GRIK2: variants seen among roughly 807,000 people sequenced by gnomAD.
GRIK2 encodes the protein glutamate ionotropic receptor kainate type subunit 2, also known as glutamate receptor ionotropic, kainate 2.
Under a neutral mutation model 100.3 loss-of-function variants are expected in GRIK2, and 32 were observed. The observed-to-expected ratio is 0.32, with a 90% confidence interval of 0.24 to 0.43. The LOEUF (loss-of-function observed/expected upper bound fraction) is 0.43. Ranked by LOEUF, GRIK2 falls within the 20% of genes least tolerant of loss-of-function variation. The pLI is 1.00. For synonymous variants in GRIK2, 417 were observed against 389.4 expected, an observed-to-expected ratio of 1.07 and a Z score of -0.83; for missense variants, 843 against 1,114.9, an observed-to-expected ratio of 0.76 and a Z score of 3.47.
At chr6:101,584,139 A>G (rs544632819) in intron 2 of GRIK2, among the ~76,000 whole-genome samples, 1 of 152,162 alleles carries the variant, frequency 6.6e-6, no homozygotes, top group African/African-American at 2.4e-5. Context: ...TTTGAAATGA[A>G]TTTGTATTTA....
At chr6:101,997,363 T>A (rs1029223605) in intron 14 of GRIK2, among the ~76,000 whole-genome samples, 2 of 152,234 alleles carry the variant, frequency 1.3e-5, no homozygotes, top group East Asian at 3.9e-4. Flanking sequence ...GTGTATGTCC[T>A]TTATCATGGT....
At chr6:101,796,131 A>C (rs568056108) in intron 7 of GRIK2, among the ~76,000 whole-genome samples, 1 of 152,222 alleles carries the variant, frequency 6.6e-6, no homozygotes, top group Non-Finnish European at 1.5e-5. Context: ...TATATGGATT[A>C]AATCCAGCTC....
intron 8 of GRIK2, 61 bp from the exon 9 acceptor site, chr6:101,802,270 A>C: frequency 1.6e-6 from 1 of 610,534 alleles, no homozygotes. Context: ...TACTTTTGTG[A>C]AAAAATGTTT....
chr6:101,821,636 AT>A (rs1781952635), intron 10 of GRIK2, among the ~76,000 whole-genome samples: 1 of 152,086 alleles, frequency 6.6e-6, no homozygotes. Flanking sequence ...AAGGCACTTT[AT>A]TTTTATACCT....
intron 2 of GRIK2, among the ~76,000 whole-genome samples, chr6:101,403,060 T>A (rs1775412133): frequency 6.6e-6 from 1 of 152,186 alleles, no homozygotes; most frequent in South Asian, 2.1e-4. Context: ...AGAAGCCAGC[T>A]CCGGCTGTGT....
At chr6:101,621,202 C>T (rs1161556056) in intron 2 of GRIK2, among the ~76,000 whole-genome samples, 2 of 152,110 alleles carry the variant, frequency 1.3e-5, no homozygotes, top group African/African-American at 4.8e-5. Flanking sequence ...CTGTAAATCC[C>T]AACAATTTGG....
intron 10 of GRIK2, among the ~76,000 whole-genome samples, chr6:101,836,690 G>C (rs1783140239): frequency 1.2e-5 from 1 of 83,896 alleles, no homozygotes; most frequent in Non-Finnish European, 2.4e-5. Context: ...TTTTGAGACA[G>C]AGTCTCACTC....
At chr6:101,404,996 G>T (rs2128236577) in intron 2 of GRIK2, among the ~76,000 whole-genome samples, 1 of 152,264 alleles carries the variant, frequency 6.6e-6, no homozygotes, top group African/African-American at 2.4e-5. Flanking sequence ...TTGGCTGATT[G>T]AAGTCACAGC....
chr6:101,405,507 A>G (rs977409787), intron 2 of GRIK2, among the ~76,000 whole-genome samples: 3 of 152,146 alleles, frequency 2.0e-5, no homozygotes, highest in Non-Finnish European at 2.9e-5. Flanking sequence ...GTATTTTTTC[A>G]TATAAAGAAA....
At chr6:101,574,701 T>C (rs1777719391) in intron 2 of GRIK2, among the ~76,000 whole-genome samples, 1 of 151,778 alleles carries the variant, frequency 6.6e-6, no homozygotes, top group Non-Finnish European at 1.5e-5. Flanking sequence ...TTATAAAACC[T>C]GTTTACTCGG....
At chr6:101,436,364 A>G (rs796588400) in intron 2 of GRIK2, among the ~76,000 whole-genome samples, 9 of 129,202 alleles carry the variant, frequency 7.0e-5, no homozygotes, top group African/African-American at 2.2e-4. Context: ...CTGAAAAGAT[A>G]ATGATTTTTT....
intron 4 of GRIK2, among the ~76,000 whole-genome samples, chr6:101,646,745 G>C (rs1484965361): frequency 1.3e-5 from 2 of 151,858 alleles, no homozygotes. Context: ...TCTCCCGCCT[G>C]ATAGAGAAAT....
chr6:101,719,728 A>G (rs1057300086), intron 7 of GRIK2, among the ~76,000 whole-genome samples: 1 of 152,024 alleles, frequency 6.6e-6, no homozygotes, highest in African/African-American at 2.4e-5. Flanking sequence ...GGAGGCGATT[A>G]AGGCCCCCTC....
At chr6:101,682,988 G>A (rs1439234140) in intron 6 of GRIK2, among the ~76,000 whole-genome samples, 6 of 152,086 alleles carry the variant, frequency 3.9e-5, no homozygotes, top group Admixed American at 1.3e-4. Flanking sequence ...AGGATCACCT[G>A]AGGTCAGGAA....
chr6:101,541,087 A>ACTATT (rs1197320800), intron 2 of GRIK2, among the ~76,000 whole-genome samples: 6 of 152,102 alleles, frequency 3.9e-5, no homozygotes, highest in Middle Eastern at 3.4e-3. Flanking sequence ...CTATTTGTAG[A>ACTATT]TGTCTCAGTT....
intron 4 of GRIK2, among the ~76,000 whole-genome samples, chr6:101,649,644 T>C (rs1435174213): frequency 3.9e-5 from 6 of 152,110 alleles, no homozygotes; most frequent in Admixed American, 3.9e-4. Flanking sequence ...TCCTAAACTC[T>C]GGATACCCTC....
chr6:101,936,755 T>C (rs1790643198), intron 14 of GRIK2, among the ~76,000 whole-genome samples: 1 of 152,018 alleles, frequency 6.6e-6, no homozygotes, highest in Non-Finnish European at 1.5e-5. Context: ...CCATCAATGG[T>C]GAAACAGCAG....
intron 9 of GRIK2, among the ~76,000 whole-genome samples, chr6:101,803,515 C>A (rs1329736704): frequency 1.3e-5 from 2 of 151,772 alleles, no homozygotes; most frequent in Non-Finnish European, 2.9e-5. Flanking sequence ...AAACTGGAAC[C>A]CAAATATTCA....
At chr6:101,485,913 C>T (rs1318236633) in intron 2 of GRIK2, among the ~76,000 whole-genome samples, 8 of 135,896 alleles carry the variant, frequency 5.9e-5, no homozygotes, top group Admixed American at 2.2e-4. Flanking sequence ...TGCACCATTG[C>T]GCTTTTTTTT....
Sources: gnomAD v4.1 joint callset for allele counts (sites outside exome capture counted in the v4.1 genomes callset) on GRCh38, gnomAD v4.1.1 for gene constraint, MANE v1.5 for transcripts, NCBI Gene and HGNC (gene_info 2026-07-23, HGNC 2026-07-21) for gene names.